The following NLRC5 variants were observed in gnomAD, a reference collection of about 807,000 sequenced individuals.
The protein encoded by NLRC5 is NLR family CARD domain containing 5, also known as protein NLRC5.
A neutral mutation model predicts 206.9 loss-of-function variants in NLRC5; 114 were observed. That is an observed-to-expected ratio of 0.55 (90% CI 0.47 to 0.64). NLRC5 has a LOEUF of 0.64. NLRC5 is among the 30% of genes least tolerant of loss of function. The pLI, the probability that NLRC5 is intolerant of heterozygous loss-of-function variation, is 0.00. For synonymous variants in NLRC5, 952 were observed against 962.8 expected, an observed-to-expected ratio of 0.99 and a Z score of 0.21; for missense variants, 2,008 against 2,305.5, an observed-to-expected ratio of 0.87 and a Z score of 2.64.
intron 46 of NLRC5, among the ~76,000 whole-genome samples, chr16:57,080,015 G>A (rs1256729460): frequency 1.3e-5 from 2 of 152,104 alleles, no homozygotes; most frequent in Admixed American, 6.5e-5. Context: ...AGTGGCTAAA[G>A]CCAGGAGAAA....
intron 34 of NLRC5, among the ~76,000 whole-genome samples, chr16:57,067,080 T>C (rs1315362432): frequency 6.6e-6 from 1 of 152,156 alleles, no homozygotes; most frequent in South Asian, 2.1e-4. Flanking sequence ...GAAATTAAAA[T>C]GTCACCCTTT....
At chr16:57,071,739 G>A (rs1158842451) in intron 38 of NLRC5, among the ~76,000 whole-genome samples, 1 of 141,214 alleles carries the variant, frequency 7.1e-6, no homozygotes, top group East Asian at 2.3e-4. Context: ...GGTGAGTAAG[G>A]GGTGGGGGTG....
At position 57,020,791 on chromosome 16, in the gene NLRC5, T is replaced by C. The variant is rs1319276824; in HGVS notation, c.79T>C (p.Trp27Arg). ...GAGGCTGCTCACCAAAGACCCAGAATGGCTGAACGCCAAGATGAAGTTCTT... is the reference window on the plus strand; with the variant it reads ...GAGGCTGCTCACCAAAGACCCAGAACGGCTGAACGCCAAGATGAAGTTCTT... ...LVRLLTKDPE[W>R]LNAKMKFFLP... Residue 27 changes from tryptophan (W) to arginine (R), a missense_variant, in exon 3 of 49, where the codon TGG (tryptophan) becomes CGG (arginine). By Grantham distance (101) the Trp-to-Arg change is moderately radical. Coordinates refer to ENST00000688547, the MANE Select transcript of NLRC5 (RefSeq NM_001384950.1). 1 of 1,613,224 alleles carries C rather than the reference T, an allele frequency of 6.2e-7. No individual in the cohort carries two copies. Among genetic ancestry groups the C allele is most frequent in the Non-Finnish European group, 8.5e-7 (1 of 1,179,836 alleles).
intron 36 of NLRC5, among the ~76,000 whole-genome samples, chr16:57,068,617 GA>G (rs1380766997): frequency 1.3e-5 from 2 of 152,084 alleles, no homozygotes; most frequent in Non-Finnish European, 2.9e-5. Flanking sequence ...GAATTTGCTA[GA>G]AATAAGGACA....
rs2069333568 is a variant in NLRC5, at chr16:57,083,123, A to C, written c.*595A>C. 6.6e-6 allele frequency: 1 copy of C among 152,360 alleles called. No individual in the cohort carries two copies. The highest frequency in any genetic ancestry group is 1.5e-5 in the Non-Finnish European group (1 of 68,158). The allele number at this position is 152,360 out of a possible 1,614,324, so 9.4% of individuals were successfully genotyped here. On this transcript the variant is annotated 3_prime_UTR_variant, in exon 49 of 49. Transcript: ENST00000688547. ...AGAGTGTCCATGCACTGACCAGTCC[A>C]GGGGCTCAAGGGCCAGGGCTCTGGA...
intron 13 of NLRC5, chr16:57,035,005 C>T (rs2062362285): frequency 6.6e-6 from 1 of 152,272 alleles, no homozygotes; most frequent in Non-Finnish European, 1.5e-5. Flanking sequence ...TGGACCTCGT[C>T]CCATTGGGAG....
chr16:56,999,222 A>C (rs1184423646), intron 1 of NLRC5, among the ~76,000 whole-genome samples: 1 of 152,170 alleles, frequency 6.6e-6, no homozygotes, highest in Non-Finnish European at 1.5e-5. Context: ...CCCTCCTATT[A>C]GGGGTTAGAG....
intron 1 of NLRC5, among the ~76,000 whole-genome samples, chr16:56,997,133 A>G (rs1398512710): frequency 5.3e-5 from 8 of 152,258 alleles, no homozygotes; most frequent in East Asian, 1.9e-4. Flanking sequence ...CGGCCTCCCA[A>G]AGTGTTGGAA....
intron 38 of NLRC5, among the ~76,000 whole-genome samples, chr16:57,071,102 T>G (rs1475044793): frequency 9.0e-6 from 1 of 111,392 alleles, no homozygotes; most frequent in Non-Finnish European, 1.8e-5. Context: ...TGGTGGTTAA[T>G]GGGGAAGGGG....
chr16:57,017,081 C>A lies in NLRC5; in HGVS notation c.-120C>A, dbSNP rs2083204476. On this transcript the variant is annotated 5_prime_UTR_variant, in exon 2 of 49. Coordinates refer to ENST00000688547, the MANE Select transcript of NLRC5 (RefSeq NM_001384950.1). ...TGTCTTCTCTCCCCTTAGGAGTCTG[C>A]ACTATGGAAACAACCTGTCAATCCA... is the stretch of plus-strand genomic sequence containing the variant. 1 of 152,780 alleles carries A rather than the reference C, an allele frequency of 6.5e-6. No individual in the cohort carries two copies. The highest frequency in any genetic ancestry group is 2.4e-5 in the African/African-American group (1 of 41,434). The allele number at this position is 152,780 out of a possible 1,614,324, so 9.5% of individuals were successfully genotyped here. A position where few individuals can be genotyped will look rare whatever the true frequency, so the allele number is the denominator to read the frequency against.
At chr16:57,049,865 G>A (rs2064617672) in intron 23 of NLRC5, among the ~76,000 whole-genome samples, 1 of 152,170 alleles carries the variant, frequency 6.6e-6, no homozygotes, top group Non-Finnish European at 1.5e-5. Flanking sequence ...TAGTGAATAT[G>A]AAAGCACTTT....
At chr16:57,022,352 G>A (rs749184316) in intron 4 of NLRC5, 37 bp downstream of exon 4, 2 of 1,577,042 alleles carry the variant, frequency 1.3e-6, no homozygotes, top group Non-Finnish European at 1.7e-6. Flanking sequence ...AGGGGGTGGT[G>A]AGCACTGTGA....
intron 14 of NLRC5, among the ~76,000 whole-genome samples, chr16:57,036,932 G>T (rs2062660547): frequency 6.6e-6 from 1 of 152,110 alleles, no homozygotes; most frequent in African/African-American, 2.4e-5. Flanking sequence ...TTTTACAGAT[G>T]AGAAAACTGG....
intron 4 of NLRC5, among the ~76,000 whole-genome samples, chr16:57,023,105 C>G (rs1435890881): frequency 5.3e-5 from 8 of 152,194 alleles, no homozygotes; most frequent in African/African-American, 1.9e-4. Context: ...GGGCCCTGCT[C>G]CAGGGGCTGT....
intron 46 of NLRC5, 62 bp downstream of exon 46, chr16:57,079,691 A>T: frequency 7.2e-7 from 1 of 1,398,410 alleles, no homozygotes; most frequent in South Asian, 1.2e-5. Context: ...GGGTCGGGGG[A>T]GTTGGCTCCA....
At chr16:57,041,696 C>A in intron 18 of NLRC5, 122 bp downstream of exon 18, 3 of 774,836 alleles carry the variant, frequency 3.9e-6, no homozygotes, top group Non-Finnish European at 6.4e-6. Context: ...AGTCAGAAAC[C>A]CCTTGGAGAA....
intron 8 of NLRC5, 47 bp from the exon 9 acceptor site, chr16:57,029,726 G>C: frequency 6.5e-7 from 1 of 1,537,408 alleles, no homozygotes; most frequent in Non-Finnish European, 9.0e-7. Context: ...GGGCTTGCAA[G>C]TGCCCCAACC....
intron 4 of NLRC5, among the ~76,000 whole-genome samples, chr16:57,023,567 C>T (rs1443272744): frequency 6.6e-6 from 1 of 152,216 alleles, no homozygotes; most frequent in Non-Finnish European, 1.5e-5. Flanking sequence ...AGGCCCAGAA[C>T]ATCCACCTTC....
chr16:57,054,742 C>G lies in NLRC5; in HGVS notation c.3507-9C>G. On this transcript the variant is annotated splice_polypyrimidine_tract_variant and intron_variant, in intron 24 of 48. Coordinates refer to ENST00000688547, the MANE Select transcript of NLRC5 (RefSeq NM_001384950.1). The stretch of plus-strand genomic sequence containing the variant: ...TCATCTTGCCGGATCTACCCCCTTT[C>G]CTTTTCAGGCTGAGCCAGACGGGAC... 6.5e-7 allele frequency: 1 copy of G among 1,540,108 alleles called. No homozygotes were observed. Among genetic ancestry groups the G allele is most frequent in the Non-Finnish European group, 8.8e-7 (1 of 1,131,988 alleles).
Sources: gnomAD v4.1 joint callset for allele counts (sites outside exome capture counted in the v4.1 genomes callset) on GRCh38, gnomAD v4.1.1 for gene constraint, MANE v1.5 for transcripts, NCBI Gene and HGNC (gene_info 2026-07-23, HGNC 2026-07-21) for gene names.